The following TIGAR variants were observed in gnomAD, a reference collection of about 807,000 sequenced individuals.
TIGAR encodes the protein fructose-2,6-bisphosphatase TIGAR.
TIGAR carries 7 observed loss-of-function variants against 17.9 expected under a neutral mutation model. The ratio of observed to expected loss-of-function variants is 0.39; its 90% CI spans 0.22 to 0.73. TIGAR has a LOEUF of 0.73. TIGAR is among the 30% of genes least tolerant of loss of function. The pLI is 0.42. For missense variants in TIGAR, 258 were observed against 327.4 expected, an observed-to-expected ratio of 0.79 and a Z score of 1.64; for synonymous variants, 94 against 108.6, an observed-to-expected ratio of 0.87 and a Z score of 0.84.
chr12:4,336,139 G>A (rs1230728315), intron 2 of TIGAR, among the ~76,000 whole-genome samples: 1 of 152,216 alleles, frequency 6.6e-6, no homozygotes. Context: ...TTCTAAATTA[G>A]TGGAAAACCT....
rs1452244144 is a variant in TIGAR, at chr12:4,357,687, A to G, written c.*4996A>G. 2.6e-5 allele frequency among the ~76,000 whole-genome samples: 4 copies of G among 152,156 alleles called. No homozygotes were observed. Among genetic ancestry groups the G allele is most frequent in the African/African-American group, 4.8e-5 (2 of 41,446 alleles). Reference sequence around the variant, plus strand: ...CAATCACTTGGTTCATTGTTCAGCAATATGGCCTAAGGGGGTGATTTCTTC... The same window carrying G: ...CAATCACTTGGTTCATTGTTCAGCAGTATGGCCTAAGGGGGTGATTTCTTC... On this transcript the variant is annotated 3_prime_UTR_variant, in exon 6 of 6. Coordinates refer to ENST00000179259, the MANE Select transcript of TIGAR (RefSeq NM_020375.3).
intron 3 of TIGAR, 45 bp downstream of exon 3, chr12:4,337,205 T>C (rs1168495541): frequency 6.7e-7 from 1 of 1,482,466 alleles, no homozygotes; most frequent in East Asian, 2.4e-5. Context: ...CGTCACTCTA[T>C]GCCCAGGCTG....
intron 1 of TIGAR, among the ~76,000 whole-genome samples, chr12:4,330,861 C>T (rs952258165): frequency 1.3e-5 from 2 of 152,232 alleles, no homozygotes; most frequent in Non-Finnish European, 2.9e-5. Flanking sequence ...CCATTCCATT[C>T]AGATTCTCTT....
At chr12:4,336,446 GC>G (rs1864658612) in intron 2 of TIGAR, among the ~76,000 whole-genome samples, 1 of 138,468 alleles carries the variant, frequency 7.2e-6, no homozygotes, top group African/African-American at 2.7e-5. Context: ...CAGCAATGCA[GC>G]ACACACACAC....
At position 4,352,396 on chromosome 12, in the gene TIGAR, G is replaced by A; in HGVS notation, c.518G>A (p.Gly173Glu). 1 of 1,614,068 alleles carries A rather than the reference G, an allele frequency of 6.2e-7. No individual in the cohort carries two copies. The highest frequency in any genetic ancestry group is 8.5e-7 in the Non-Finnish European group (1 of 1,180,006). The change falls in exon 6 of 6, where the codon GGA becomes GAA. Residue 173 changes from glycine to glutamate, a missense_variant. Transcript: ENST00000179259. ...TCTTTGGCAGAGATATTTCCTTTAGGAAAAAATCACAGCTCTAAAGTTAAT... is the reference window on the plus strand; with the variant it reads ...TCTTTGGCAGAGATATTTCCTTTAGAAAAAAATCACAGCTCTAAAGTTAAT... ...ETSLAEIFPL[G>E]KNHSSKVNSD... is the part of the protein sequence containing the mutation.
rs148329886 is a variant in TIGAR, at chr12:4,356,787, C to T, written c.*4096C>T. Among the ~76,000 whole-genome samples the T allele has an allele frequency of 4.6e-3, 698 of 152,306 alleles. 5 individuals are homozygous for T. The highest frequency in any genetic ancestry group is 0.016 in the African/African-American group (659 of 41,568). ...TGTTTCTGTTAGGTTTAGTCCGAGG[C>T]CTAGCAGAGGGAATGGGCAGAAGTT... On this transcript the variant is annotated 3_prime_UTR_variant, in exon 6 of 6. Coordinates refer to ENST00000179259, the MANE Select transcript of TIGAR (RefSeq NM_020375.3).
At position 4,351,309 on chromosome 12, in the gene TIGAR, G is replaced by A. The variant is rs1423191776; in HGVS notation, c.313G>A (p.Ala105Thr). The change falls in exon 5 of 6, where the codon GCC (alanine) becomes ACC (threonine). Residue 105 changes from alanine (A) to threonine (T), a missense_variant. By Grantham distance (58) the Ala-to-Thr change is moderately conservative (BLOSUM62 0). Transcript: ENST00000179259. ...AGGCAAAGCGCTAAGTGAGCTGAGG[G>A]CCATGGCCAAAGCAGCCAGGGAAGA... ...VEGKALSELR[A>T]MAKAAREECP... 3.7e-6 allele frequency: 6 copies of A among 1,614,036 alleles called. No homozygotes were observed. The highest frequency in any genetic ancestry group is 2.7e-5 in the African/African-American group (2 of 74,910).
In TIGAR at chr12:4,357,789, T is replaced by A. The variant is rs1313990684; in HGVS notation, c.*5098T>A. On this transcript the variant is annotated 3_prime_UTR_variant, in exon 6 of 6. Transcript: ENST00000179259. ...TGGATTCAGGTTCAAGGCCTGGTTC[T>A]TAGTAATTTTGTGACCAAGCAATCG... Among the ~76,000 whole-genome samples the A allele has an allele frequency of 6.6e-6, 1 of 152,164 alleles. No individual in the cohort carries two copies. Among genetic ancestry groups the A allele is most frequent in the Non-Finnish European group, 1.5e-5 (1 of 68,022 alleles).
Position 4,331,276 on chromosome 12 carries a change from T to G in TIGAR, c.33-4T>G. On this transcript the variant is annotated splice_region_variant and splice_polypyrimidine_tract_variant and intron_variant, in intron 1 of 5. Coordinates refer to ENST00000179259, the MANE Select transcript of TIGAR (RefSeq NM_020375.3). ...ATAAGGTTGTCCTTCTCTTTCTATT[T>G]TAGTGGAGAAACAAGATTTAACAAG... The G allele has an allele frequency of 6.2e-7, 1 of 1,608,766 alleles. No individual in the cohort carries two copies. Among genetic ancestry groups the G allele is most frequent in the Non-Finnish European group, 8.5e-7 (1 of 1,175,184 alleles).
At chr12:4,338,796 G>A (rs920302568) in intron 3 of TIGAR, among the ~76,000 whole-genome samples, 7 of 151,784 alleles carry the variant, frequency 4.6e-5, no homozygotes, top group Admixed American at 1.3e-4. Flanking sequence ...TGGGCAATAC[G>A]GTGAAACACC....
intron 2 of TIGAR, among the ~76,000 whole-genome samples, chr12:4,335,940 G>A (rs1365474521): frequency 6.6e-6 from 1 of 152,166 alleles, no homozygotes; most frequent in Non-Finnish European, 1.5e-5. Context: ...GGTTATTTTA[G>A]AAAATTGTCT....
chr12:4,348,986 TA>T (rs1565450412), intron 3 of TIGAR, among the ~76,000 whole-genome samples: 1 of 152,124 alleles, frequency 6.6e-6, no homozygotes, highest in African/African-American at 2.4e-5. Flanking sequence ...TAATAAACTG[TA>T]AAAAAGAGCC....
At chr12:4,339,570 CA>C (rs1864697568) in intron 3 of TIGAR, among the ~76,000 whole-genome samples, 2 of 152,070 alleles carry the variant, frequency 1.3e-5, no homozygotes, top group African/African-American at 4.8e-5. Context: ...ATCCTGATAC[CA>C]AAACCAGACA....
rs1864948004 is a variant in TIGAR at position 4,359,184 on chromosome 12, G to C, written c.*6493G>C. Reference sequence around the variant, plus strand: ...TTTATTAGTTGGCATTCTGTACTAAGACAGCTTTACCCTTCTTGCCTACTT... The same window carrying C: ...TTTATTAGTTGGCATTCTGTACTAACACAGCTTTACCCTTCTTGCCTACTT... On this transcript the variant is annotated 3_prime_UTR_variant, in exon 6 of 6. Coordinates refer to ENST00000179259, the MANE Select transcript of TIGAR (RefSeq NM_020375.3). Among the ~76,000 whole-genome samples, 1 of 151,538 alleles carries C rather than the reference G, an allele frequency of 6.6e-6. No homozygotes were observed. The highest frequency in any genetic ancestry group is 1.5e-5 in the Non-Finnish European group (1 of 67,964).
At chr12:4,326,662 G>A (rs1864550016) in intron 1 of TIGAR, among the ~76,000 whole-genome samples, 1 of 152,056 alleles carries the variant, frequency 6.6e-6, no homozygotes, top group Non-Finnish European at 1.5e-5. Flanking sequence ...TTAGATGGTG[G>A]GGCAGTACTT....
chr12:4,321,244 G>A lies in TIGAR; in HGVS notation c.-28G>A, dbSNP rs959220974. On this transcript the variant is annotated 5_prime_UTR_variant, in exon 1 of 6. Coordinates refer to ENST00000179259, the MANE Select transcript of TIGAR (RefSeq NM_020375.3). The surrounding 1 kb of genome is among the most constrained non-coding windows in gnomAD (Gnocchi z 5.2). ...CAGTGCAGGGGCAGCGCGGCGCGGG[G>A]CCACCGACGGGACGCGGCTCCGGGA... 7 of 1,600,140 alleles carry A rather than the reference G, an allele frequency of 4.4e-6. No homozygotes were observed. Among genetic ancestry groups the A allele is most frequent in the Non-Finnish European group, 5.1e-6 (6 of 1,179,716 alleles).
Position 4,357,174 on chromosome 12 carries a change from A to C in TIGAR, c.*4483A>C, listed in dbSNP as rs560380974. On this transcript the variant is annotated 3_prime_UTR_variant, in exon 6 of 6. Coordinates refer to ENST00000179259, the MANE Select transcript of TIGAR (RefSeq NM_020375.3). ...TATGCAGGAAGTGCAATATTTGGCC[A>C]TATCACTTAAGTACATATGCTTATA... is the stretch of plus-strand genomic sequence containing the variant. Among the ~76,000 whole-genome samples the C allele has an allele frequency of 6.6e-6, 1 of 152,264 alleles. No individual in the cohort carries two copies. Among genetic ancestry groups the C allele is most frequent in the African/African-American group, 2.4e-5 (1 of 41,466 alleles).
intron 2 of TIGAR, among the ~76,000 whole-genome samples, chr12:4,334,721 G>C (rs902951514): frequency 2.0e-5 from 3 of 151,552 alleles, no homozygotes; most frequent in Non-Finnish European, 4.4e-5. Context: ...TAGAGCAGCT[G>C]GTGGTAAACA....
intron 4 of TIGAR, among the ~76,000 whole-genome samples, chr12:4,350,641 G>A (rs1358710015): frequency 1.3e-5 from 2 of 152,046 alleles, no homozygotes; most frequent in African/African-American, 2.4e-5. Context: ...GCCGGGTGTG[G>A]TGGCACGCGC....
Sources: allele counts gnomAD v4.1 joint callset (sites outside exome capture counted in the v4.1 genomes callset), GRCh38; gene constraint gnomAD v4.1.1; non-coding constraint Gnocchi (gnomAD v3.1); transcripts MANE v1.5; gene names NCBI Gene and HGNC (gene_info 2026-07-23, HGNC 2026-07-21).